RARB: variants seen among roughly 807,000 people sequenced by gnomAD.
The protein encoded by RARB is retinoic acid receptor beta, also known as HBV-activated protein.
RARB carries 17 observed loss-of-function variants against 51.9 expected under a neutral mutation model. The ratio of observed to expected loss-of-function variants is 0.33; its 90% confidence interval spans 0.22 to 0.49. The LOEUF (loss-of-function observed/expected upper bound fraction) is 0.49, where lower values mean the gene tolerates loss of function less well. Among genes scored for constraint, RARB ranks in the 20% least tolerant of loss-of-function variants. The probability of loss-of-function intolerance (pLI) is 0.99; values close to 1 mark genes in which losing one functional copy is unlikely to be tolerated. For missense variants in RARB, 369 were observed against 550.8 expected (o/e 0.67, Z 3.30); for synonymous variants, 215 against 195.4 (o/e 1.10, Z -0.84).
intron 2 of RARB, among the ~76,000 whole-genome samples, chr3:24,901,566 A>G (rs765068232): frequency 3.9e-5 from 6 of 152,228 alleles, no homozygotes; most frequent in Non-Finnish European, 7.3e-5. Flanking sequence ...ATAAAAATGT[A>G]ACTATATCAT....
intron 4 of RARB, among the ~76,000 whole-genome samples, chr3:25,163,278 C>G (rs1700502432): frequency 6.6e-6 from 1 of 151,992 alleles, no homozygotes; most frequent in African/African-American, 2.4e-5. Context: ...CTGAGGTGAG[C>G]AGATTGCTTG....
chr3:25,283,851 G>T (rs34163784), intron 5 of RARB, among the ~76,000 whole-genome samples: 305 of 152,256 alleles, frequency 2.0e-3, no homozygotes, highest in African/African-American at 7.0e-3. Flanking sequence ...GAGTGGGGCA[G>T]GCAGCCTTCT....
At chr3:25,188,213 T>A (rs1701021022) in intron 5 of RARB, among the ~76,000 whole-genome samples, 1 of 152,104 alleles carries the variant, frequency 6.6e-6, no homozygotes, top group African/African-American at 2.4e-5. Context: ...CCCTGATGTT[T>A]TATTTATCTT....
At chr3:25,529,315 A>C (rs1698795189) in intron 3 of RARB, among the ~76,000 whole-genome samples, 1 of 152,192 alleles carries the variant, frequency 6.6e-6, no homozygotes, top group Admixed American at 6.5e-5. Context: ...ACACTATTCA[A>C]ATCAGCAATA....
At chr3:25,213,884 T>C (rs533095251) in intron 5 of RARB, among the ~76,000 whole-genome samples, 2 of 152,372 alleles carry the variant, frequency 1.3e-5, no homozygotes, top group African/African-American at 4.8e-5. Context: ...AATGTTATTT[T>C]TGTAAACCAT....
chr3:25,026,095 C>A (rs190858095), intron 2 of RARB, among the ~76,000 whole-genome samples: 9 of 152,200 alleles, frequency 5.9e-5, no homozygotes, highest in East Asian at 1.9e-4. Context: ...CTTGCTCCCC[C>A]CACCTTGAGA....
intron 5 of RARB, among the ~76,000 whole-genome samples, chr3:25,203,607 G>C (rs1701453114): frequency 6.6e-6 from 1 of 152,162 alleles, no homozygotes; most frequent in Non-Finnish European, 1.5e-5. Context: ...TCCTTCAGGA[G>C]CTCTTGTAGG....
intron 2 of RARB, among the ~76,000 whole-genome samples, chr3:24,874,760 T>C (rs375927404): frequency 3.3e-5 from 5 of 152,034 alleles, no homozygotes; most frequent in East Asian, 1.9e-4. Context: ...ATGTAGTTCA[T>C]TTATGTTGAT....
chr3:24,969,390 T>C (rs1465270414), intron 2 of RARB, among the ~76,000 whole-genome samples: 1 of 152,104 alleles, frequency 6.6e-6, no homozygotes, highest in East Asian at 1.9e-4. Flanking sequence ...GTTGCTATTG[T>C]TGTTAAATAA....
chr3:25,265,575 T>G (rs1703106288), intron 5 of RARB, among the ~76,000 whole-genome samples: 1 of 152,116 alleles, frequency 6.6e-6, no homozygotes, highest in Non-Finnish European at 1.5e-5. Flanking sequence ...CAGGCTCAAG[T>G]AATCCTCCCA....
intron 2 of RARB, among the ~76,000 whole-genome samples, chr3:24,947,498 G>A (rs1481671240): frequency 6.6e-6 from 1 of 152,176 alleles, no homozygotes; most frequent in Non-Finnish European, 1.5e-5. Flanking sequence ...GGCTAAAGAA[G>A]GCTCAGGCTG....
chr3:25,297,728 C>T (rs540753629), intron 5 of RARB, among the ~76,000 whole-genome samples: 3 of 151,978 alleles, frequency 2.0e-5, no homozygotes, highest in African/African-American at 7.2e-5. Context: ...TCCCCTCATT[C>T]CCCAGTCTAG....
chr3:25,451,677 A>G lies in RARB; in HGVS notation c.158-9516A>G, dbSNP rs140156342. Reference sequence around the variant, plus strand: ...CGAGTGGCAAGGTATGTGACAAAGCATAATTTCATTGTTGTCTTCCAAGTA... The same window carrying G: ...CGAGTGGCAAGGTATGTGACAAAGCGTAATTTCATTGTTGTCTTCCAAGTA... On this transcript the variant is annotated intron_variant, in intron 1 of 7. Coordinates refer to ENST00000330688, the MANE Select transcript of RARB (RefSeq NM_000965.5). 5.9e-3 allele frequency among the ~76,000 whole-genome samples: 904 copies of G among 152,332 alleles called. 7 individuals are homozygous for G. The highest frequency in any genetic ancestry group is 0.02 in the African/African-American group (843 of 41,570).
intron 2 of RARB, among the ~76,000 whole-genome samples, chr3:24,993,665 T>G (rs1284694703): frequency 2.6e-5 from 4 of 152,088 alleles, no homozygotes; most frequent in Non-Finnish European, 5.9e-5. Flanking sequence ...ATCCTTCCCT[T>G]CCCCCAACCT....
At chr3:25,367,817 C>CA (rs369165017) in intron 5 of RARB, among the ~76,000 whole-genome samples, 45,964 of 123,676 alleles carry the variant, frequency 0.37, 8,895 homozygotes, top group East Asian at 0.71. Flanking sequence ...AAAAAACAAG[C>CA]AAAAAAAAAA....
chr3:25,101,194 G>A (rs956371744), intron 3 of RARB, among the ~76,000 whole-genome samples: 10 of 152,062 alleles, frequency 6.6e-5, no homozygotes, highest in Non-Finnish European at 4.4e-5. Flanking sequence ...GTTGCTAGAG[G>A]CTTCATCTTA....
At chr3:25,104,273 A>T (rs1346237061) in intron 3 of RARB, among the ~76,000 whole-genome samples, 1 of 152,154 alleles carries the variant, frequency 6.6e-6, no homozygotes. Flanking sequence ...TACATTGTTG[A>T]TGGGAATATA....
At chr3:25,008,439 C>T (rs1042699508) in intron 2 of RARB, among the ~76,000 whole-genome samples, 8 of 152,118 alleles carry the variant, frequency 5.3e-5, no homozygotes, top group African/African-American at 1.7e-4. Flanking sequence ...CTCTTAAGTA[C>T]AGTTCAGTCT....
intron 3 of RARB, among the ~76,000 whole-genome samples, chr3:25,060,728 A>G (rs1429908513): frequency 6.6e-6 from 1 of 151,944 alleles, no homozygotes; most frequent in Non-Finnish European, 1.5e-5. Flanking sequence ...TAGATGGCAG[A>G]AACTGAATTG....
Sources: gnomAD v4.1 joint callset for allele counts (sites outside exome capture counted in the v4.1 genomes callset) on GRCh38, gnomAD v4.1.1 for gene constraint, MANE v1.5 for transcripts, NCBI Gene and HGNC (gene_info 2026-07-23, HGNC 2026-07-21) for gene names.